BLM: variants seen among roughly 807,000 people sequenced by gnomAD.
The protein encoded by BLM is recQ-like DNA helicase BLM.
A neutral mutation model predicts 135.3 loss-of-function variants in BLM; 95 were observed. The ratio of observed to expected loss-of-function variants is 0.70; its 90% CI spans 0.59 to 0.83. BLM has a LOEUF of 0.83. Among genes scored for constraint, BLM ranks in the 40% least tolerant of loss-of-function variants. The pLI is 0.00. For missense variants in BLM, 1,518 were observed against 1,663.9 expected (o/e 0.91, Z 1.53); for synonymous variants, 520 against 589.2 (o/e 0.88, Z 1.70).
chr15:90,796,872 G>C (rs935950774), intron 16 of BLM, among the ~76,000 whole-genome samples: 3 of 152,184 alleles, frequency 2.0e-5, no homozygotes, highest in Non-Finnish European at 4.4e-5. Context: ...GAGTTAGGAG[G>C]ACATCTGAGG....
In BLM at chr15:90,799,787, A is replaced by G. The variant is rs1398534608; in HGVS notation, c.3358+1450A>G. ...CCAACAAAAAACAGATTAGCAAGGG[A>G]AAAGACAGATTTAGTCATGTGTGGA... is the stretch of plus-strand genomic sequence containing the variant. On this transcript the variant is annotated intron_variant, in intron 17 of 21. Coordinates refer to ENST00000355112, the MANE Select transcript of BLM (RefSeq NM_000057.4). Among the ~76,000 whole-genome samples, 12 of 152,184 alleles carry G rather than the reference A, an allele frequency of 7.9e-5. 1 individual carries two copies. Among genetic ancestry groups the G allele is most frequent in the Admixed American group, 7.2e-4 (11 of 15,276 alleles).
chr15:90,735,431 AC>A (rs1399000959), intron 1 of BLM, among the ~76,000 whole-genome samples: 2 of 151,826 alleles, frequency 1.3e-5, no homozygotes, highest in Non-Finnish European at 2.9e-5. Flanking sequence ...GAGAAAGTAG[AC>A]TTCCAGATAT....
rs149598003 is a variant in BLM at position 90,751,834 on chromosome 15, A to G, written c.847A>G (p.Thr283Ala). Residue 283 changes from threonine (T) to alanine (A), a missense_variant, in exon 4 of 22, where the codon ACT becomes GCT. Around this residue, in one of 5 missense-constraint regions of BLM, gnomAD observed 724 missense variants for 756.9 expected, o/e 0.96. Transcript: ENST00000355112. ...TTTGGAAGAAGCTGAATTACATTCA[A>G]CTGAGAAAGTTCCATGTATTGAATT... ...KNLEEAELHS[T>A]EKVPCIEFDD... is the part of the protein sequence containing the mutation. 159 of 1,612,738 alleles carry G rather than the reference A, an allele frequency of 9.9e-5. No individual in the cohort carries two copies. The highest frequency in any genetic ancestry group is 1.2e-4 in the Non-Finnish European group (142 of 1,178,904).
rs1325601639 is a variant in BLM, at chr15:90,811,293, A to G, written c.3963A>G (p.Val1321=). 1 of 1,614,218 alleles carries G rather than the reference A, an allele frequency of 6.2e-7. No individual in the cohort carries two copies. Among genetic ancestry groups the G allele is most frequent in the Non-Finnish European group, 8.5e-7 (1 of 1,180,042 alleles). The change falls in exon 21 of 22, where the codon GTA becomes GTG. Residue 1321 remains valine, a synonymous_variant. Transcript: ENST00000355112. ...AGGAGCTCGACGAGGAAATACCCGT[A>G]TCTTCCCACTACTTTGCAAGTAAAA... is the stretch of plus-strand genomic sequence containing the variant. ...AAEELDEEIP[V]SSHYFASKTR...
rs750620938 is a variant in BLM at position 90,785,096 on chromosome 15, G to A, written c.2823+15G>A. On this transcript the variant is annotated intron_variant, in intron 14 of 21. Transcript: ENST00000355112. Reference sequence around the variant, plus strand: ...ATGGCTGTCAGGTAACATTTTTAAAGATAAACAAATAATAGAAATAATCTT... The same window carrying A: ...ATGGCTGTCAGGTAACATTTTTAAAAATAAACAAATAATAGAAATAATCTT... 1.2e-6 allele frequency: 2 copies of A among 1,611,554 alleles called. No homozygotes were observed. Among genetic ancestry groups the A allele is most frequent in the South Asian group, 2.2e-5 (2 of 90,870 alleles).
chr15:90,742,883 G>A (rs537821394), intron 1 of BLM, among the ~76,000 whole-genome samples: 12 of 151,554 alleles, frequency 7.9e-5, no homozygotes, highest in African/African-American at 1.2e-4. Context: ...CGATCCTCCC[G>A]CTTTGGCTTC....
chr15:90,770,227 G>A (rs1418367875), intron 12 of BLM, among the ~76,000 whole-genome samples: 1 of 141,686 alleles, frequency 7.1e-6, no homozygotes, highest in Non-Finnish European at 1.5e-5. Flanking sequence ...AGGCTGGAGT[G>A]CAGTGGCCTG....
chr15:90,762,373 T>C (rs1384237303), intron 7 of BLM: 1 of 152,508 alleles, frequency 6.6e-6, no homozygotes, highest in African/African-American at 2.4e-5. Flanking sequence ...GGAGTCAGAT[T>C]TGGAGAAAAG....
intron 20 of BLM, 99 bp from the exon 21 acceptor site, chr15:90,811,106 C>G: frequency 7.9e-7 from 1 of 1,262,244 alleles, no homozygotes. Flanking sequence ...AGCTAGGTAT[C>G]TGCTAAAATG....
At position 90,760,888 on chromosome 15, in the gene BLM, G is replaced by C; in HGVS notation, c.1515G>C (p.Trp505Cys). ...AGAAGTCCTTTGTAAGTAGCAACTG[G>C]GCTGAAACACCAAGACTAGGAAAAA... ...HLQKSFVSSNWAETPRLGKKN... is the reference protein window; with the variant it reads ...HLQKSFVSSNCAETPRLGKKN... Residue 505 changes from tryptophan to cysteine, a missense_variant, in exon 7 of 22, where the codon TGG becomes TGC. Around this residue, in one of 5 missense-constraint regions of BLM, gnomAD observed 724 missense variants for 756.9 expected, o/e 0.96. Transcript: ENST00000355112. 6.2e-7 allele frequency: 1 copy of C among 1,613,810 alleles called. No individual in the cohort carries two copies. Among genetic ancestry groups the C allele is most frequent in the Non-Finnish European group, 8.5e-7 (1 of 1,180,010 alleles).
intron 2 of BLM, 51 bp downstream of exon 2, chr15:90,747,541 G>A: frequency 9.1e-7 from 1 of 1,099,556 alleles, no homozygotes; most frequent in Non-Finnish European, 1.4e-6. Context: ...TTACCACATT[G>A]TACACATGAG....
In BLM at chr15:90,815,005, C is replaced by T; in HGVS notation, c.4077-97C>T. 1 of 1,276,546 alleles carries T rather than the reference C, an allele frequency of 7.8e-7. No individual in the cohort carries two copies. Among genetic ancestry groups the T allele is most frequent in the South Asian group, 1.2e-5 (1 of 81,706 alleles). The allele number at this position is 1,276,546 out of a possible 1,614,324, so 79.1% of individuals were successfully genotyped here. A position where few individuals can be genotyped will look rare whatever the true frequency, so the allele number is the denominator to read the frequency against. ...AAAATGCACAAGGACACATTAGGCC[C>T]AGGGAAGTGGTATTGTAGCTCTGTG... On this transcript the variant is annotated intron_variant, in intron 21 of 21. Coordinates refer to ENST00000355112, the MANE Select transcript of BLM (RefSeq NM_000057.4). This position sits in a 1 kb window ranked among gnomAD's most constrained non-coding sequence, Gnocchi z 4.6.
intron 15 of BLM, chr15:90,793,888 CG>C (rs1896964673): frequency 9.3e-6 from 2 of 215,190 alleles, no homozygotes; most frequent in Non-Finnish European, 1.8e-5. Context: ...GGTGGATGCT[CG>C]ACTGATAAAT....
At chr15:90,749,331 G>A in intron 2 of BLM, 36 bp from the exon 3 acceptor site, 1 of 1,492,920 alleles carries the variant, frequency 6.7e-7, no homozygotes. Context: ...TTCTTAAAAT[G>A]GATCCATCTA....
At chr15:90,753,019 A>T (rs1015076327) in intron 4 of BLM, among the ~76,000 whole-genome samples, 3 of 152,208 alleles carry the variant, frequency 2.0e-5, no homozygotes, top group Non-Finnish European at 4.4e-5. Context: ...ACTCATTAAA[A>T]ATGTGTGTTA....
chr15:90,723,975 A>AT lies in BLM; in HGVS notation c.-5+6545dup, dbSNP rs1056551663. The stretch of plus-strand genomic sequence containing the variant: ...CATCTGTGTCATCTCATGTTGCAGG[A>AT]TTTTTTTTTTAATTTTTTATTATTT... On this transcript the variant is annotated intron_variant, in intron 1 of 21. Transcript: ENST00000355112. Among the ~76,000 whole-genome samples, 206 of 149,244 alleles carry AT rather than the reference A, an allele frequency of 1.4e-3. 1 individual carries two copies. The highest frequency in any genetic ancestry group is 4.1e-3 in the African/African-American group (166 of 40,626).
At chr15:90,782,299 A>G (rs1167286512) in intron 12 of BLM, among the ~76,000 whole-genome samples, 1 of 152,118 alleles carries the variant, frequency 6.6e-6, no homozygotes, top group Non-Finnish European at 1.5e-5. Context: ...GAGGCAGGAG[A>G]ATGGCTTGAA....
chr15:90,736,290 G>T (rs913420743), intron 1 of BLM, among the ~76,000 whole-genome samples: 1 of 151,806 alleles, frequency 6.6e-6, no homozygotes, highest in African/African-American at 2.4e-5. Flanking sequence ...TTTGAGACAG[G>T]GTCTTGCTTG....
intron 10 of BLM, among the ~76,000 whole-genome samples, chr15:90,768,145 C>G (rs1216071447): frequency 6.6e-6 from 1 of 151,838 alleles, no homozygotes; most frequent in African/African-American, 2.4e-5. Context: ...GTTTCACCAT[C>G]TTGGCCAGGC....
Sources: gnomAD v4.1 joint callset for allele counts (sites outside exome capture counted in the v4.1 genomes callset) on GRCh38, gnomAD v4.1.1 for gene constraint, gnomAD v4.1.1 regional missense constraint, Gnocchi (gnomAD v3.1) non-coding constraint, MANE v1.5 for transcripts, NCBI Gene and HGNC (gene_info 2026-07-23, HGNC 2026-07-21) for gene names.